DCDC2: variants seen among roughly 807,000 people sequenced by gnomAD.
DCDC2 encodes doublecortin domain-containing protein 2.
A neutral mutation model predicts 50.2 loss-of-function variants in DCDC2; 40 were observed. That is an observed-to-expected ratio of 0.80 (90% confidence interval 0.62 to 1.04). The LOEUF (loss-of-function observed/expected upper bound fraction) is 1.04, where lower values mean the gene tolerates loss of function less well. DCDC2 is among the 50% of genes least tolerant of loss of function. The pLI is 0.00. For synonymous variants in DCDC2, 234 were observed against 210.6 expected, an observed-to-expected ratio of 1.11 and a Z score of -0.96; for missense variants, 570 against 581.9, an observed-to-expected ratio of 0.98 and a Z score of 0.21.
At chr6:24,220,907 A>AGAGTGAGCGAGAGAGTGAGCGAGCGAGC (rs1309641752) in intron 7 of DCDC2, among the ~76,000 whole-genome samples, 1 of 132,008 alleles carries the variant, frequency 7.6e-6, no homozygotes, top group African/African-American at 2.7e-5. Flanking sequence ...AGCGAGCGAG[A>AGAGTGAGCGAGAGAGTGAGCGAGCGAGC]GAGTGAGCGA....
intron 7 of DCDC2, among the ~76,000 whole-genome samples, chr6:24,261,925 G>A (rs757141612): frequency 1.4e-4 from 21 of 151,930 alleles, no homozygotes; most frequent in South Asian, 2.1e-4. Context: ...GGAGCAAGAC[G>A]ACCAAATAAA....
chr6:24,294,821 C>T (rs375741492), intron 4 of DCDC2, among the ~76,000 whole-genome samples: 20 of 152,096 alleles, frequency 1.3e-4, no homozygotes, highest in African/African-American at 4.6e-4. Context: ...AAATTGAATC[C>T]GTAATGAATA....
At chr6:24,349,701 G>A (rs1186746327) in intron 2 of DCDC2, among the ~76,000 whole-genome samples, 6 of 152,166 alleles carry the variant, frequency 3.9e-5, no homozygotes, top group Admixed American at 6.5e-5. Flanking sequence ...GAGTTACCAC[G>A]GTCAGAAGCT....
intron 6 of DCDC2, among the ~76,000 whole-genome samples, chr6:24,281,087 C>T (rs78036569): frequency 0.036 from 5,455 of 152,098 alleles, 222 homozygotes; most frequent in African/African-American, 0.1. Context: ...TAAGTCACCA[C>T]TCTTGTTTAT....
chr6:24,310,860 G>A (rs1052036331), intron 2 of DCDC2, among the ~76,000 whole-genome samples: 5 of 151,934 alleles, frequency 3.3e-5, no homozygotes, highest in African/African-American at 4.8e-5. Context: ...AGGACACATC[G>A]TTACCACTGA....
chr6:24,174,979 T>C lies in DCDC2; in HGVS notation c.1327-145A>G, dbSNP rs9379647. 3.4e-5 allele frequency: 16 copies of C among 468,832 alleles called. No homozygotes were observed. The East Asian group carries it at 4.9e-4, about 14-fold the overall frequency. The allele number at this position is 468,832 out of a possible 1,614,324, so 29.0% of individuals were successfully genotyped here. On this transcript the variant is annotated intron_variant, in intron 9 of 9. Coordinates refer to ENST00000378454, the MANE Select transcript of DCDC2 (RefSeq NM_016356.5). ...AGTTCCTGGGGTTCCCTTTGTTTTT[T>C]TGTCTATCATTACCCAGTGGACATA...
chr6:24,212,773 A>G (rs987417065), intron 7 of DCDC2, among the ~76,000 whole-genome samples: 2 of 152,212 alleles, frequency 1.3e-5, no homozygotes, highest in Non-Finnish European at 2.9e-5. Context: ...TCTAGTAAAA[A>G]TAAAAGTGCT....
chr6:24,172,989 A>AAAAAATAATAATAAT lies in DCDC2; in HGVS notation c.*1740_*1741insATTATTATTATTTTT, dbSNP rs1554142065. 36 of 145,952 alleles carry AAAAAATAATAATAAT rather than the reference A, an allele frequency of 2.5e-4. No homozygotes were observed. The highest frequency in any genetic ancestry group is 2.3e-3 in the East Asian group (11 of 4,844). The allele number at this position is 145,952 out of a possible 1,614,324, so 9.0% of individuals were successfully genotyped here. On this transcript the variant is annotated 3_prime_UTR_variant, in exon 10 of 10. Coordinates refer to ENST00000378454, the MANE Select transcript of DCDC2 (RefSeq NM_016356.5). ...GACAAGAGCAAGACTTCATCTCAAA[A>AAAAAATAATAATAAT]AATAATAATAATAATAATAATAATA...
At chr6:24,288,717 C>T in intron 6 of DCDC2, 135 bp downstream of exon 6, 1 of 719,680 alleles carries the variant, frequency 1.4e-6, no homozygotes, top group South Asian at 1.7e-5. Context: ...AGTTCTAGTG[C>T]TGTTTCACAT....
chr6:24,187,414 C>CTT (rs1761228803), intron 8 of DCDC2, among the ~76,000 whole-genome samples: 1 of 152,130 alleles, frequency 6.6e-6, no homozygotes, highest in Non-Finnish European at 1.5e-5. Flanking sequence ...TCCAGAAAGC[C>CTT]TTCCTGCTCC....
chr6:24,208,768 C>A (rs1475070652), intron 7 of DCDC2, among the ~76,000 whole-genome samples: 1 of 152,212 alleles, frequency 6.6e-6, no homozygotes. Flanking sequence ...CCCTGCTAGA[C>A]CACAAGCTCC....
intron 2 of DCDC2, 24 bp downstream of exon 2, chr6:24,353,545 T>C (rs747244018): frequency 1.4e-6 from 2 of 1,468,010 alleles, no homozygotes; most frequent in South Asian, 2.4e-5. Context: ...TTTATTTGAA[T>C]TTTCAAAATA....
the DCDC2 span, among the ~76,000 whole-genome samples, chr6:24,373,743 T>G: frequency 1.3e-4 from 20 of 152,374 alleles, 1 homozygote; most frequent in African/African-American, 4.6e-4. Context: ...TAATGCTTTA[T>G]GCTGTTCACA....
intron 5 of DCDC2, among the ~76,000 whole-genome samples, chr6:24,290,300 C>G (rs1763718234): frequency 6.6e-6 from 1 of 152,008 alleles, no homozygotes; most frequent in South Asian, 2.1e-4. Context: ...GCCCAGAGCT[C>G]TTCTTGAGTG....
At chr6:24,278,777 C>T (rs563368902) in intron 6 of DCDC2, among the ~76,000 whole-genome samples, 3 of 152,260 alleles carry the variant, frequency 2.0e-5, no homozygotes, top group South Asian at 2.1e-4. Flanking sequence ...AACAAGTTGT[C>T]GCTATGGGTG....
Position 24,358,000 on chromosome 6 carries a change from G to T in DCDC2, c.-250C>A, listed in dbSNP as rs964457174. On this transcript the variant is annotated 5_prime_UTR_variant, in exon 1 of 10. Transcript: ENST00000378454. ...TGGCGTGCACAGCCAATCAGGACCCGCAGTGCGCGCACCACACCAGGTTCA... is the reference window on the plus strand; with the variant it reads ...TGGCGTGCACAGCCAATCAGGACCCTCAGTGCGCGCACCACACCAGGTTCA... The T allele has an allele frequency of 1.1e-5, 15 of 1,350,880 alleles. No individual in the cohort carries two copies. Among genetic ancestry groups the T allele is most frequent in the Admixed American group, 2.9e-5 (1 of 34,500 alleles). The allele number at this position is 1,350,880 out of a possible 1,614,324, so 83.7% of individuals were successfully genotyped here.
At chr6:24,294,783 C>A (rs1763825736) in intron 4 of DCDC2, among the ~76,000 whole-genome samples, 1 of 152,088 alleles carries the variant, frequency 6.6e-6, no homozygotes, top group African/African-American at 2.4e-5. Flanking sequence ...GAAATTTATT[C>A]CCTGAATAAA....
intron 2 of DCDC2, among the ~76,000 whole-genome samples, chr6:24,351,453 C>G (rs1263113563): frequency 1.3e-5 from 2 of 152,188 alleles, no homozygotes; most frequent in Non-Finnish European, 2.9e-5. Flanking sequence ...TTCTGAACAC[C>G]TTTTCCCATC....
the DCDC2 span, among the ~76,000 whole-genome samples, chr6:24,376,959 C>G: frequency 6.6e-6 from 1 of 152,110 alleles, no homozygotes; most frequent in Non-Finnish European, 1.5e-5. Flanking sequence ...TAATGAGATT[C>G]TTCAACCAAA....
Sources: allele counts gnomAD v4.1 joint callset (sites outside exome capture counted in the v4.1 genomes callset), GRCh38; gene constraint gnomAD v4.1.1; transcripts MANE v1.5; gene names NCBI Gene and HGNC (gene_info 2026-07-23, HGNC 2026-07-21).